MEIKIN: variants seen among roughly 807,000 people sequenced by gnomAD.
MEIKIN encodes the protein meiotic kinetochore factor.
At chr5:131,813,554 G>C (rs1435361552) in intron 12 of MEIKIN, among the ~76,000 whole-genome samples, 2 of 151,746 alleles carry the variant, frequency 1.3e-5, no homozygotes, top group East Asian at 1.9e-4. Context: ...AGCCTCCTGA[G>C]TAGCTGGGAC....
intron 9 of MEIKIN, among the ~76,000 whole-genome samples, chr5:131,870,277 A>C (rs544827937): frequency 4.6e-5 from 7 of 152,198 alleles, no homozygotes; most frequent in Non-Finnish European, 1.0e-4. Context: ...TCTTTATAAT[A>C]CTGGACCTTC....
intron 11 of MEIKIN, among the ~76,000 whole-genome samples, chr5:131,839,797 T>C (rs1458286386): frequency 6.6e-6 from 1 of 152,240 alleles, no homozygotes; most frequent in Non-Finnish European, 1.5e-5. Context: ...CTTGCTTCTC[T>C]ATCCAGCTTG....
rs556958129 is a variant in MEIKIN, at chr5:131,927,873, C to T, written c.478+5640G>A. 5.1e-4 allele frequency among the ~76,000 whole-genome samples: 77 copies of T among 152,232 alleles called. 2 individuals are homozygous for T. The South Asian group carries it at 0.015, about 29-fold the overall frequency. On this transcript the variant is annotated intron_variant, in intron 5 of 12. Transcript: ENST00000442687. The stretch of plus-strand genomic sequence containing the variant: ...AAATCTAAAGAGGATCGGCCGGGCG[C>T]GGTGGCTCACGCCTGTAATCCCAGC...
intron 8 of MEIKIN, among the ~76,000 whole-genome samples, chr5:131,909,092 A>G (rs1387423062): frequency 6.6e-6 from 1 of 152,200 alleles, no homozygotes; most frequent in Non-Finnish European, 1.5e-5. Context: ...TGGAACACAA[A>G]AGATCCAGAA....
intron 7 of MEIKIN, among the ~76,000 whole-genome samples, chr5:131,912,108 G>A (rs1476553891): frequency 1.3e-5 from 2 of 151,850 alleles, no homozygotes; most frequent in Non-Finnish European, 2.9e-5. Flanking sequence ...TAGAGGACAG[G>A]GCATAGTGTT....
Position 131,945,156 on chromosome 5 carries a change from C to T in MEIKIN, c.200G>A (p.Ser67Asn). 1 of 399,152 alleles carries T rather than the reference C, an allele frequency of 2.5e-6. No individual in the cohort carries two copies. Among genetic ancestry groups the T allele is most frequent in the Non-Finnish European group, 4.4e-6 (1 of 226,122 alleles). 24.7% of individuals were successfully genotyped at this position (399,152 alleles called of 1,614,324 possible). A position where few individuals can be genotyped will look rare whatever the true frequency, so the allele number is the denominator to read the frequency against. ...CGGGCTGTTACTGGAGGCTACATAC[C>T]TGAACGGCCCAGAGCCGCTACCTCC... is the stretch of plus-strand genomic sequence containing the variant. ...RQGGSGSGPF[S>N]PRLGVTGEKS... Residue 67 changes from serine (S) to asparagine (N), a missense_variant and splice_region_variant, in exon 2 of 13, where the codon AGC becomes AAC. Physicochemically the swap from Ser to Asn is conservative, Grantham distance 46 (BLOSUM62 1). Coordinates refer to ENST00000442687, the MANE Select transcript of MEIKIN (RefSeq NM_001303622.2).
At chr5:131,853,444 G>A (rs1458205976) in intron 10 of MEIKIN, among the ~76,000 whole-genome samples, 3 of 152,066 alleles carry the variant, frequency 2.0e-5, no homozygotes, top group African/African-American at 7.2e-5. Context: ...TGATGACACT[G>A]GATTTGATAA....
At chr5:131,836,515 C>G (rs962451274) in intron 11 of MEIKIN, among the ~76,000 whole-genome samples, 2 of 152,170 alleles carry the variant, frequency 1.3e-5, no homozygotes, top group African/African-American at 4.8e-5. Context: ...CTCGCAATAA[C>G]AGTGTATGAC....
intron 8 of MEIKIN, among the ~76,000 whole-genome samples, chr5:131,883,030 T>C (rs1434914327): frequency 6.6e-6 from 1 of 152,244 alleles, no homozygotes; most frequent in Admixed American, 6.5e-5. Context: ...TTTGACGTTA[T>C]ATATTTATTT....
At chr5:131,939,095 T>G (rs1199390254) in intron 4 of MEIKIN, among the ~76,000 whole-genome samples, 2 of 152,198 alleles carry the variant, frequency 1.3e-5, no homozygotes, top group African/African-American at 4.8e-5. Flanking sequence ...CTTAATTCCC[T>G]TTCCTCCCCG....
At chr5:131,815,405 G>A (rs961156110) in intron 12 of MEIKIN, among the ~76,000 whole-genome samples, 5 of 152,148 alleles carry the variant, frequency 3.3e-5, no homozygotes, top group Non-Finnish European at 5.9e-5. Flanking sequence ...GGAATCAAGG[G>A]GTAGAAACAA....
Position 131,819,598 on chromosome 5 carries a change from CTTTTTTT to C in MEIKIN, c.976-742_976-736del, listed in dbSNP as rs34041769. 5.3e-3 allele frequency among the ~76,000 whole-genome samples: 688 copies of C among 130,658 alleles called. 7 individuals carry two copies. The highest frequency in any genetic ancestry group is 0.018 in the African/African-American group (653 of 36,510). The allele number at this position is 130,658 out of a possible 152,430, so 85.7% of individuals were successfully genotyped here. A position where few individuals can be genotyped will look rare whatever the true frequency, so the allele number is the denominator to read the frequency against. On this transcript the variant is annotated intron_variant, in intron 11 of 12. Transcript: ENST00000442687. ...TAAATAAAGTCTATATAGAAACTTC[CTTTTTTT>C]TTTTTTTTTCTTGAGACAGGGTCTC...
chr5:131,850,524 C>T (rs1281983870), intron 11 of MEIKIN, among the ~76,000 whole-genome samples: 2 of 152,156 alleles, frequency 1.3e-5, no homozygotes, highest in Non-Finnish European at 2.9e-5. Context: ...TAAACCCTCA[C>T]ATATATGGTT....
intron 9 of MEIKIN, among the ~76,000 whole-genome samples, chr5:131,874,160 G>C (rs1750562611): frequency 1.3e-5 from 2 of 152,114 alleles, no homozygotes; most frequent in Admixed American, 1.3e-4. Context: ...AGAACTGAAG[G>C]AAATAGAGAC....
At chr5:131,914,213 C>T (rs1387192316) in intron 7 of MEIKIN, among the ~76,000 whole-genome samples, 1 of 151,776 alleles carries the variant, frequency 6.6e-6, no homozygotes, top group Non-Finnish European at 1.5e-5. Context: ...TCTTAGCCTC[C>T]ATAACTGTAA....
intron 12 of MEIKIN, among the ~76,000 whole-genome samples, chr5:131,814,700 G>T (rs1393794717): frequency 6.6e-6 from 1 of 152,182 alleles, no homozygotes; most frequent in Non-Finnish European, 1.5e-5. Context: ...GTGAATATAG[G>T]ATAATCAAGT....
At chr5:131,881,153 A>G (rs908222338) in intron 8 of MEIKIN, among the ~76,000 whole-genome samples, 2 of 152,232 alleles carry the variant, frequency 1.3e-5, no homozygotes, top group African/African-American at 4.8e-5. Context: ...AGAAAGTGTT[A>G]AGGATAACCT....
chr5:131,920,130 G>A (rs1174757860), intron 6 of MEIKIN, among the ~76,000 whole-genome samples: 1 of 152,182 alleles, frequency 6.6e-6, no homozygotes, highest in Non-Finnish European at 1.5e-5. Flanking sequence ...TCTTACAGGA[G>A]CCTGGGTTAA....
chr5:131,865,514 C>A (rs769170477), intron 9 of MEIKIN, among the ~76,000 whole-genome samples: 3 of 152,198 alleles, frequency 2.0e-5, no homozygotes, highest in African/African-American at 7.2e-5. Flanking sequence ...CCACTGCACC[C>A]GGCCATGAAT....
Sources: allele counts gnomAD v4.1 joint callset (sites outside exome capture counted in the v4.1 genomes callset), GRCh38; gene constraint gnomAD v4.1.1; transcripts MANE v1.5; gene names NCBI Gene and HGNC (gene_info 2026-07-23, HGNC 2026-07-21).